Variants in NDRG3 observed in about 807,000 individuals in gnomAD.
The protein encoded by NDRG3 is NDRG family member 3.
NDRG3 carries 23 observed loss-of-function variants against 57.2 expected under a neutral mutation model. The ratio of observed to expected loss-of-function variants is 0.40; its 90% CI spans 0.29 to 0.57. The LOEUF is 0.57. NDRG3 is among the 20% of genes least tolerant of loss of function. The probability of loss-of-function intolerance (pLI) is 0.42; values close to 1 mark genes in which losing one functional copy is unlikely to be tolerated. For synonymous variants in NDRG3, 132 were observed against 162.6 expected, an observed-to-expected ratio of 0.81 and a Z score of 1.43; for missense variants, 384 against 457.3, an observed-to-expected ratio of 0.84 and a Z score of 1.46.
chr20:36,716,145 AG>A (rs1463889849), intron 2 of NDRG3, among the ~76,000 whole-genome samples: 4 of 151,884 alleles, frequency 2.6e-5, no homozygotes, highest in African/African-American at 7.3e-5. Context: ...TGTTGTTCCC[AG>A]GGTTCTCCCT....
chr20:36,683,665 C>A (rs1005053766), intron 6 of NDRG3, among the ~76,000 whole-genome samples: 1 of 146,120 alleles, frequency 6.8e-6, no homozygotes, highest in Admixed American at 6.8e-5. Context: ...TGTATATATA[C>A]ATATATATAT....
At chr20:36,743,117 A>C (rs894679229) in intron 1 of NDRG3, among the ~76,000 whole-genome samples, 5 of 152,234 alleles carry the variant, frequency 3.3e-5, no homozygotes, top group Admixed American at 2.0e-4. Flanking sequence ...ATGCAAATGA[A>C]AAGTACCCTG....
chr20:36,729,581 G>A (rs1038281662), intron 1 of NDRG3, among the ~76,000 whole-genome samples: 3 of 151,826 alleles, frequency 2.0e-5, no homozygotes, highest in Admixed American at 2.0e-4. Context: ...AGGCTAGAGT[G>A]CAGTGGCACA....
At chr20:36,714,637 G>A (rs957591498) in intron 2 of NDRG3, among the ~76,000 whole-genome samples, 5 of 149,534 alleles carry the variant, frequency 3.3e-5, no homozygotes, top group South Asian at 2.1e-4. Flanking sequence ...TTTTTGAGAC[G>A]GAGTCTTGCT....
intron 12 of NDRG3, among the ~76,000 whole-genome samples, chr20:36,664,741 G>A (rs1979474939): frequency 6.6e-6 from 1 of 152,084 alleles, no homozygotes; most frequent in Non-Finnish European, 1.5e-5. Context: ...CTAGGCTGGA[G>A]TGCAGTGGCA....
At chr20:36,695,304 A>T (rs1352187203) in intron 3 of NDRG3, among the ~76,000 whole-genome samples, 15 of 152,204 alleles carry the variant, frequency 9.9e-5, no homozygotes, top group Admixed American at 9.8e-4. Context: ...GTGTTTGAAC[A>T]ATATGAAATC....
chr20:36,697,019 C>T (rs6028874), intron 3 of NDRG3, among the ~76,000 whole-genome samples: 3 of 152,202 alleles, frequency 2.0e-5, no homozygotes, highest in African/African-American at 7.2e-5. Context: ...CAGTATTTAA[C>T]TCAATACTGA....
chr20:36,726,060 T>C (rs1984914872), intron 1 of NDRG3, among the ~76,000 whole-genome samples: 3 of 150,918 alleles, frequency 2.0e-5, no homozygotes, highest in Admixed American at 6.7e-5. Flanking sequence ...GCTGAGACAA[T>C]GGGCATGTGC....
At chr20:36,667,836 C>G (rs1178755565) in intron 9 of NDRG3, among the ~76,000 whole-genome samples, 1 of 152,050 alleles carries the variant, frequency 6.6e-6, no homozygotes, top group Non-Finnish European at 1.5e-5. Context: ...CAGAATACAG[C>G]TGGAAATTGA....
At chr20:36,722,635 G>A (rs891343166) in intron 1 of NDRG3, among the ~76,000 whole-genome samples, 2 of 152,116 alleles carry the variant, frequency 1.3e-5, no homozygotes, top group Non-Finnish European at 2.9e-5. Context: ...GAATGGCAGT[G>A]GGAATGAAAG....
intron 2 of NDRG3, among the ~76,000 whole-genome samples, chr20:36,720,666 C>A (rs1356155314): frequency 6.6e-6 from 1 of 152,122 alleles, no homozygotes; most frequent in African/African-American, 2.4e-5. Flanking sequence ...AACACTGCAG[C>A]CTACGCACAT....
At chr20:36,689,336 A>T (rs1982064756) in intron 3 of NDRG3, among the ~76,000 whole-genome samples, 1 of 152,178 alleles carries the variant, frequency 6.6e-6, no homozygotes, top group South Asian at 2.1e-4. Flanking sequence ...GAGCCCAGGG[A>T]TCTGTTGAGA....
chr20:36,709,050 A>T (rs1983720241), intron 2 of NDRG3, among the ~76,000 whole-genome samples: 1 of 152,196 alleles, frequency 6.6e-6, no homozygotes, highest in African/African-American at 2.4e-5. Flanking sequence ...AAAATTAAAA[A>T]ATAAGTAAAT....
chr20:36,669,759 C>T (rs112054924), intron 9 of NDRG3, among the ~76,000 whole-genome samples: 16 of 151,214 alleles, frequency 1.1e-4, no homozygotes, highest in African/African-American at 3.2e-4. Context: ...CACCACATCC[C>T]GCTAATTTTT....
At chr20:36,745,953 A>T in intron 1 of NDRG3, 92 bp downstream of exon 1, 2 of 285,618 alleles carry the variant, frequency 7.0e-6, no homozygotes, top group Non-Finnish European at 1.3e-5. Context: ...CGTGCCGCGG[A>T]GATGATGCGG....
intron 1 of NDRG3, among the ~76,000 whole-genome samples, chr20:36,730,017 C>T (rs893779577): frequency 4.6e-5 from 7 of 151,624 alleles, no homozygotes; most frequent in African/African-American, 1.2e-4. Flanking sequence ...GAGGCCAAGG[C>T]GGGCAGATCA....
intron 3 of NDRG3, among the ~76,000 whole-genome samples, chr20:36,689,924 G>GT (rs1982124445): frequency 6.6e-6 from 1 of 151,916 alleles, no homozygotes; most frequent in Non-Finnish European, 1.5e-5. Flanking sequence ...GTTTCACTGT[G>GT]TTAGCCAGGA....
rs183836519 is a variant in NDRG3, at chr20:36,685,815, C to T, written c.321-1340G>A. On this transcript the variant is annotated intron_variant, in intron 5 of 15. Coordinates refer to ENST00000349004, the MANE Select transcript of NDRG3 (RefSeq NM_032013.4). ...CTCAAGCCCAGGAGTTCGAGACCAG[C>T]CTGAGCAACAGGGCAAAACCCTGTC... is the stretch of plus-strand genomic sequence containing the variant. Among the ~76,000 whole-genome samples the T allele has an allele frequency of 6.5e-4, 99 of 152,200 alleles. 1 individual carries two copies. The highest frequency in any genetic ancestry group is 2.1e-4 in the Non-Finnish European group (14 of 68,024).
At chr20:36,703,345 C>CCA (rs1434923414) in intron 3 of NDRG3, among the ~76,000 whole-genome samples, 2 of 150,578 alleles carry the variant, frequency 1.3e-5, no homozygotes, top group East Asian at 3.9e-4. Flanking sequence ...ATATATATAC[C>CCA]CACACACACA....
Sources: gnomAD v4.1 joint callset for allele counts (sites outside exome capture counted in the v4.1 genomes callset) on GRCh38, gnomAD v4.1.1 for gene constraint, MANE v1.5 for transcripts, NCBI Gene and HGNC (gene_info 2026-07-23, HGNC 2026-07-21) for gene names.